Variants in ARL10 observed in about 807,000 individuals in gnomAD.
The protein encoded by ARL10 is ARF like GTPase 10, also known as ADP-ribosylation factor-like protein 10.
ARL10 carries 23 observed loss-of-function variants against 26.1 expected under a neutral mutation model. That is an observed-to-expected ratio of 0.88 (90% confidence interval 0.63 to 1.25). The LOEUF (loss-of-function observed/expected upper bound fraction) is 1.25. Ranked by LOEUF, ARL10 falls within the 50% of genes most tolerant of loss-of-function variation. The pLI is 0.00. For synonymous variants in ARL10, 138 were observed against 149.1 expected (o/e 0.93, Z 0.54); for missense variants, 300 against 323.6 (o/e 0.93, Z 0.56).
intron 3 of ARL10, 121 bp downstream of exon 3, chr5:176,369,103 C>T (rs747550134): frequency 7.8e-6 from 12 of 1,537,788 alleles, no homozygotes; most frequent in South Asian, 1.2e-5. Flanking sequence ...CTGCCCCCAC[C>T]TCTTCTACCT....
rs1755441147 is a variant in ARL10, at chr5:176,378,131, A to G, written c.*6236A>G. On this transcript the variant is annotated 3_prime_UTR_variant, in exon 4 of 4. Transcript: ENST00000310389. ...GACCAGGGGGCCATCTAGGCTCTCC[A>G]TGAGTTCACGCTTAACATTATGTTT... 6.6e-6 allele frequency: 1 copy of G among 152,262 alleles called. No homozygotes were observed. The highest frequency in any genetic ancestry group is 1.5e-5 in the Non-Finnish European group (1 of 68,058). 9.4% of individuals were successfully genotyped at this position (152,262 alleles called of 1,614,324 possible). A position where few individuals can be genotyped will look rare whatever the true frequency, so the allele number is the denominator to read the frequency against.
At position 176,378,828 on chromosome 5, in the gene ARL10, G is replaced by A. The variant is rs1209168719; in HGVS notation, c.*6933G>A. On this transcript the variant is annotated 3_prime_UTR_variant, in exon 4 of 4. Transcript: ENST00000310389. ...GAATGGCGTGAACCCAGGAGGCAGA[G>A]CTTGCAGTGAGCCGAGATCGCGCCA... 6.6e-6 allele frequency: 1 copy of A among 150,590 alleles called. No homozygotes were observed. Among genetic ancestry groups the A allele is most frequent in the African/African-American group, 2.4e-5 (1 of 40,898 alleles). 9.3% of individuals were successfully genotyped at this position (150,590 alleles called of 1,614,324 possible).
At chr5:176,395,385 G>C (rs1482837812) in intron 1 of ARL10, among the ~76,000 whole-genome samples, 1 of 152,180 alleles carries the variant, frequency 6.6e-6, no homozygotes, top group African/African-American at 2.4e-5. Context: ...GGCGGCCTGT[G>C]GGTGTCTTAC....
At chr5:176,386,908 A>C (rs760330393), downstream of ARL10, 2 of 1,613,840 alleles carry the variant, frequency 1.2e-6, no homozygotes, top group Admixed American at 3.3e-5. Context: ...CATGGCCTTC[A>C]CCTGCAGAGA....
the ARL10 span, among the ~76,000 whole-genome samples, chr5:176,409,991 T>C: frequency 7.4e-4 from 112 of 152,274 alleles, no homozygotes; most frequent in African/African-American, 2.5e-3. Context: ...GTGGGCCACT[T>C]GACCTCTCCC....
Position 176,381,008 on chromosome 5 carries a change from T to G in ARL10, c.*9113T>G, listed in dbSNP as rs13189105. The G allele has an allele frequency of 0.024, 3,672 of 152,160 alleles. 79 individuals carry two copies. The highest frequency in any genetic ancestry group is 0.061 in the Middle Eastern group (18 of 294). 9.4% of individuals were successfully genotyped at this position (152,160 alleles called of 1,614,324 possible). A position where few individuals can be genotyped will look rare whatever the true frequency, so the allele number is the denominator to read the frequency against. ...GTCTCAAACTTGTGAGCTCAAGAGA[T>G]CTTCCTGCCTCAGCCTCCCAAAGTG... On this transcript the variant is annotated 3_prime_UTR_variant, in exon 4 of 4. Coordinates refer to ENST00000310389, the MANE Select transcript of ARL10 (RefSeq NM_173664.6).
In ARL10 at chr5:176,375,279, T is replaced by TCCAC. The variant is rs1561775995; in HGVS notation, c.*3387_*3388insCCCA. On this transcript the variant is annotated 3_prime_UTR_variant, in exon 4 of 4. Coordinates refer to ENST00000310389, the MANE Select transcript of ARL10 (RefSeq NM_173664.6). ...ATCCATCCACCCATCCACCCATCCA[T>TCCAC]CCATCCACCCATCCATCCATCCATC... is the stretch of plus-strand genomic sequence containing the variant. The TCCAC allele has an allele frequency of 3.3e-4, 15 of 46,128 alleles. No individual in the cohort carries two copies. Among genetic ancestry groups the TCCAC allele is most frequent in the African/African-American group, 1.4e-3 (15 of 10,468 alleles). 2.9% of individuals were successfully genotyped at this position (46,128 alleles called of 1,614,324 possible). A position where few individuals can be genotyped will look rare whatever the true frequency, so the allele number is the denominator to read the frequency against.
At chr5:176,400,931 G>A (rs1756786203) in intron 1 of ARL10, among the ~76,000 whole-genome samples, 1 of 152,172 alleles carries the variant, frequency 6.6e-6, no homozygotes. Context: ...GGAACATCAG[G>A]GCTACAGTCT....
downstream of ARL10, chr5:176,384,338 T>G (rs1755660347): frequency 3.7e-6 from 6 of 1,614,124 alleles, no homozygotes; most frequent in Non-Finnish European, 5.1e-6. Context: ...TGTTTTGGGG[T>G]ATCTTGATAG....
downstream of ARL10, chr5:176,392,866 C>T (rs766030689): frequency 1.2e-6 from 2 of 1,614,220 alleles, no homozygotes; most frequent in Non-Finnish European, 1.7e-6. The surrounding 1 kb of genome is among the most constrained non-coding windows in gnomAD (Gnocchi z 5.2). Flanking sequence ...GGGTTGAAGT[C>T]ACATAGCTGG....
chr5:176,365,813 AG>A, intron 1 of ARL10, 67 bp downstream of exon 1: 1 of 1,228,960 alleles, frequency 8.1e-7, no homozygotes, highest in Non-Finnish European at 1.0e-6. Context: ...CATGTGGCCA[AG>A]GGGTGTGACC....
At chr5:176,406,313 C>A, downstream of ARL10, 2 of 1,066,858 alleles carry the variant, frequency 1.9e-6, no homozygotes, top group Non-Finnish European at 2.3e-6. Flanking sequence ...ACAGTCAGGG[C>A]CAGGCTTGTC....
At chr5:176,384,260 A>C (rs574974181), downstream of ARL10, 33 of 1,614,220 alleles carry the variant, frequency 2.0e-5, no homozygotes, top group African/African-American at 4.1e-4. Flanking sequence ...CTCTTCTGCA[A>C]AGAATCGAGG....
the ARL10 span, chr5:176,410,244 G>A: frequency 1.2e-6 from 2 of 1,613,398 alleles, no homozygotes; most frequent in Admixed American, 1.7e-5. Context: ...TGCTGAGACA[G>A]AGCCTTGCTT....
the ARL10 span, among the ~76,000 whole-genome samples, chr5:176,410,993 C>G: frequency 4.9e-3 from 751 of 152,332 alleles, 7 homozygotes; most frequent in African/African-American, 0.016. Context: ...CCACTCTCTC[C>G]CGCAGCTCAG....
At chr5:176,383,218 T>C (rs1254202167), downstream of ARL10, among the ~76,000 whole-genome samples, 3 of 152,220 alleles carry the variant, frequency 2.0e-5, no homozygotes, top group Admixed American at 2.0e-4. Flanking sequence ...TGAAATGATC[T>C]ATGGAAAAAA....
chr5:176,390,391 T>A (rs1393695844), downstream of ARL10, among the ~76,000 whole-genome samples: 1 of 152,006 alleles, frequency 6.6e-6, no homozygotes, highest in Non-Finnish European at 1.5e-5. Context: ...CTCACCCTGC[T>A]CCCACCTCCC....
At chr5:176,397,668 C>T (rs1177070197) in intron 1 of ARL10, 1 of 1,613,610 alleles carries the variant, frequency 6.2e-7, no homozygotes. Flanking sequence ...TCCTCCAGGT[C>T]CTTCTTGGCC....
chr5:176,409,989 C>T, the ARL10 span, among the ~76,000 whole-genome samples: 1 of 152,168 alleles, frequency 6.6e-6, no homozygotes, highest in South Asian at 2.1e-4. Flanking sequence ...CTGTGGGCCA[C>T]TTGACCTCTC....
Sources: allele counts gnomAD v4.1 joint callset (sites outside exome capture counted in the v4.1 genomes callset), GRCh38; gene constraint gnomAD v4.1.1; non-coding constraint Gnocchi (gnomAD v3.1); transcripts MANE v1.5; gene names NCBI Gene and HGNC (gene_info 2026-07-23, HGNC 2026-07-21).